The following BTAF1 variants were observed in gnomAD, a reference collection of about 807,000 sequenced individuals.
BTAF1 encodes B-TFIID TATA-box binding protein associated factor 1.
A neutral mutation model predicts 227.1 loss-of-function variants in BTAF1; 38 were observed. The ratio of observed to expected loss-of-function variants is 0.17; its 90% CI spans 0.13 to 0.22. The LOEUF is 0.22. Among genes scored for constraint, BTAF1 ranks in the 10% least tolerant of loss-of-function variants. The pLI is 1.00. For missense variants in BTAF1, 1,598 were observed against 2,204.0 expected (o/e 0.73, Z 5.51); for synonymous variants, 742 against 751.9 (o/e 0.99, Z 0.21).
intron 30 of BTAF1, among the ~76,000 whole-genome samples, chr10:92,012,903 T>C (rs929548677): frequency 1.3e-5 from 2 of 152,242 alleles, no homozygotes; most frequent in Admixed American, 6.5e-5. Context: ...AAGTATGTTA[T>C]TGCTTTTACT....
intron 2 of BTAF1, among the ~76,000 whole-genome samples, chr10:91,937,834 ACT>A (rs1182345932): frequency 4.6e-5 from 7 of 152,300 alleles, no homozygotes; most frequent in Admixed American, 4.6e-4. Context: ...CCATATGGTA[ACT>A]TTATGAGGAA....
At chr10:91,933,010 T>A (rs1844376744) in intron 1 of BTAF1, among the ~76,000 whole-genome samples, 1 of 152,048 alleles carries the variant, frequency 6.6e-6, no homozygotes, top group Admixed American at 6.6e-5. Context: ...GCTGTTGCAG[T>A]GAGGCAGAGT....
chr10:91,975,758 A>G (rs148873252), intron 14 of BTAF1, among the ~76,000 whole-genome samples: 3 of 152,322 alleles, frequency 2.0e-5, no homozygotes, highest in East Asian at 3.9e-4. Flanking sequence ...TTTTGTGGGA[A>G]GATAAAAGAG....
intron 22 of BTAF1, 61 bp from the exon 23 acceptor site, chr10:91,994,474 T>G (rs1564703199): frequency 7.8e-7 from 1 of 1,286,522 alleles, no homozygotes; most frequent in East Asian, 2.4e-5. Flanking sequence ...CTAAAAGTTT[T>G]TGTGTGCTCT....
chr10:91,967,217 G>A (rs1846976796), intron 14 of BTAF1, among the ~76,000 whole-genome samples: 1 of 152,148 alleles, frequency 6.6e-6, no homozygotes, highest in African/African-American at 2.4e-5. Context: ...TCAATCTTAA[G>A]AGCATGCTAT....
rs1426095994 is a variant in BTAF1 at position 92,011,089 on chromosome 10, A to G, written c.4120A>G (p.Lys1374Glu). The change falls in exon 29 of 38, where the codon AAA becomes GAA. Residue 1374 changes from lysine to glutamate, a missense_variant. Around this residue, in one of 10 missense-constraint regions of BTAF1, gnomAD observed 184 missense variants for 341.1 expected, o/e 0.54. Transcript: ENST00000265990. ...TAAATAAAGGTTACAGCACCAAGTA[A>G]AAAGGCACAATCTAATAGTGGCTTC... ...TERIRLQHQV[K>E]RHNLIVASYD... is the part of the protein sequence containing the mutation. The G allele has an allele frequency of 6.2e-7, 1 of 1,607,326 alleles. No individual in the cohort carries two copies. The highest frequency in any genetic ancestry group is 2.2e-5 in the East Asian group (1 of 44,650).
intron 1 of BTAF1, among the ~76,000 whole-genome samples, chr10:91,933,632 G>T (rs898923813): frequency 3.9e-5 from 6 of 152,192 alleles, no homozygotes; most frequent in Middle Eastern, 3.2e-3. Flanking sequence ...AATTGACCTT[G>T]TAAAAAACTA....
intron 30 of BTAF1, among the ~76,000 whole-genome samples, chr10:92,011,813 T>C (rs1850307799): frequency 6.6e-6 from 1 of 152,088 alleles, no homozygotes; most frequent in Admixed American, 6.5e-5. Flanking sequence ...CAGGAGGAAA[T>C]TGAAGGCAAG....
At chr10:91,934,158 A>T (rs756516291) in intron 1 of BTAF1, among the ~76,000 whole-genome samples, 5 of 152,216 alleles carry the variant, frequency 3.3e-5, no homozygotes, top group Non-Finnish European at 7.3e-5. Context: ...ATTAGAAATT[A>T]ACTGTGTTGT....
At chr10:91,952,857 T>G (rs773874502) in intron 5 of BTAF1, among the ~76,000 whole-genome samples, 1 of 152,104 alleles carries the variant, frequency 6.6e-6, no homozygotes, top group Non-Finnish European at 1.5e-5. Context: ...AAAAATGCAA[T>G]AATATGATCA....
intron 21 of BTAF1, among the ~76,000 whole-genome samples, 188 bp from the exon 22 acceptor site, chr10:91,993,506 G>T (rs1251875187): frequency 6.6e-6 from 1 of 152,160 alleles, no homozygotes; most frequent in Non-Finnish European, 1.5e-5. Context: ...GTTAGGTGTT[G>T]TAGGCCCCTG....
At chr10:92,023,287 A>AT (rs1310752713) in intron 34 of BTAF1, among the ~76,000 whole-genome samples, 1 of 152,176 alleles carries the variant, frequency 6.6e-6, no homozygotes, top group African/African-American at 2.4e-5. Context: ...AGTGTTTTAC[A>AT]TTGAGTTTGG....
intron 25 of BTAF1, among the ~76,000 whole-genome samples, chr10:92,002,533 A>G (rs1471715957): frequency 2.0e-5 from 3 of 152,310 alleles, no homozygotes; most frequent in African/African-American, 4.8e-5. Context: ...TAAAATTTCC[A>G]TGAGGATAAA....
intron 26 of BTAF1, 130 bp downstream of exon 26, chr10:92,008,405 A>ACCCCAT: frequency 3.4e-6 from 3 of 877,590 alleles, no homozygotes; most frequent in Non-Finnish European, 3.3e-6. Flanking sequence ...GTGCAGTGGC[A>ACCCCAT]GAATCATGGT....
In BTAF1 at chr10:91,947,137, C is replaced by G. The variant is rs554798557; in HGVS notation, c.401-4266C>G. On this transcript the variant is annotated intron_variant, in intron 4 of 37. Transcript: ENST00000265990. ...GGATTACAGGCATGAGCCATCACCC[C>G]CAGCCTGATTTACACATATTTTCTA... Among the ~76,000 whole-genome samples the G allele has an allele frequency of 2.7e-3, 417 of 152,306 alleles. 3 individuals carry two copies. Among genetic ancestry groups the G allele is most frequent in the African/African-American group, 9.5e-3 (394 of 41,568 alleles).
At chr10:92,023,809 T>G (rs1308969274) in intron 34 of BTAF1, among the ~76,000 whole-genome samples, 1 of 152,172 alleles carries the variant, frequency 6.6e-6, no homozygotes, top group Non-Finnish European at 1.5e-5. Context: ...CTGTTTTGCA[T>G]TTTTAGTAGA....
chr10:92,025,132 TAATCG>T (rs889714596), intron 35 of BTAF1, among the ~76,000 whole-genome samples, 165 bp downstream of exon 35: 4 of 152,148 alleles, frequency 2.6e-5, no homozygotes, highest in Non-Finnish European at 4.4e-5. Flanking sequence ...TACATAAATA[TAATCG>T]AATAGATTAT....
At chr10:92,008,017 C>A in intron 25 of BTAF1, 106 bp from the exon 26 acceptor site, 3 of 1,093,174 alleles carry the variant, frequency 2.7e-6, no homozygotes, top group Non-Finnish European at 4.0e-6. Flanking sequence ...AGTCTTTGTA[C>A]AATTTTCAGA....
At position 91,964,003 on chromosome 10, in the gene BTAF1, T is replaced by TG. The variant is rs1028422169; in HGVS notation, c.1405-71dup. The TG allele has an allele frequency of 7.1e-6, 11 of 1,541,696 alleles. No homozygotes were observed. In the African/African-American group the frequency reaches 1.5e-4, roughly 21 times the overall value. On this transcript the variant is annotated intron_variant, in intron 12 of 37. Transcript: ENST00000265990. ...GTGTTGTTGAATCAGTAGTGACCCCTGGGATACCATTTGGCAGGGTTTGTG... is the reference window on the plus strand; with the variant it reads ...GTGTTGTTGAATCAGTAGTGACCCCTGGGGATACCATTTGGCAGGGTTTGTG...
Sources: allele counts gnomAD v4.1 joint callset (sites outside exome capture counted in the v4.1 genomes callset), GRCh38; gene constraint gnomAD v4.1.1; regional missense constraint gnomAD v4.1.1; transcripts MANE v1.5; gene names NCBI Gene and HGNC (gene_info 2026-07-23, HGNC 2026-07-21).